MYOF: variants seen among roughly 807,000 people sequenced by gnomAD.
MYOF encodes fer-1-like 3, myoferlin.
In MYOF, 244 loss-of-function variants were observed where a neutral mutation model predicts 284.2. That is an observed-to-expected ratio of 0.86 (90% CI 0.77 to 0.95). The LOEUF (loss-of-function observed/expected upper bound fraction) is 0.95. MYOF is among the 40% of genes least tolerant of loss of function. The pLI is 0.00. For synonymous variants in MYOF, 904 were observed against 919.7 expected (o/e 0.98, Z 0.31); for missense variants, 2,496 against 2,560.6 (o/e 0.97, Z 0.54).
chr10:93,459,673 C>T (rs1221403018), intron 1 of MYOF, among the ~76,000 whole-genome samples: 1 of 152,200 alleles, frequency 6.6e-6, no homozygotes, highest in Non-Finnish European at 1.5e-5. Context: ...GGCTTGGCGT[C>T]TTGGAAAATG....
chr10:93,308,637 TATACTC>T lies in MYOF; in HGVS notation c.6147+1377_6147+1382del, dbSNP rs111866127. 4.9e-3 allele frequency among the ~76,000 whole-genome samples: 735 copies of T among 149,656 alleles called. 8 individuals carry two copies. Among genetic ancestry groups the T allele is most frequent in the African/African-American group, 0.017 (703 of 40,752 alleles). On this transcript the variant is annotated intron_variant, in intron 53 of 53. Transcript: ENST00000359263. ...AGCTACGACTGTATAATAGTGTACA[TATACTC>T]ATAGATGACAAACTAGAAGTACTAT... is the stretch of plus-strand genomic sequence containing the variant.
intron 1 of MYOF, among the ~76,000 whole-genome samples, chr10:93,458,890 T>A (rs1238780101): frequency 2.6e-5 from 4 of 152,232 alleles, no homozygotes; most frequent in African/African-American, 9.6e-5. Flanking sequence ...GTTTAGCTAA[T>A]GTCACATTGC....
chr10:93,378,636 C>G (rs542660574), intron 21 of MYOF, among the ~76,000 whole-genome samples: 1 of 144,680 alleles, frequency 6.9e-6, no homozygotes, highest in Non-Finnish European at 1.5e-5. Flanking sequence ...GATTTTAGCA[C>G]TACCTGATAG....
At chr10:93,440,445 A>G (rs1260275347) in intron 3 of MYOF, among the ~76,000 whole-genome samples, 1 of 151,886 alleles carries the variant, frequency 6.6e-6, no homozygotes, top group African/African-American at 2.4e-5. Context: ...CCCTTATACA[A>G]CAACCCTATC....
intron 32 of MYOF, 116 bp downstream of exon 32, chr10:93,353,695 C>T (rs41290194): frequency 0.057 from 46,552 of 811,300 alleles, 1,586 homozygotes; most frequent in Middle Eastern, 0.1. Context: ...CAAAAATAAC[C>T]TCAACATGTA....
intron 3 of MYOF, among the ~76,000 whole-genome samples, chr10:93,437,313 T>G (rs2134241966): frequency 6.6e-6 from 1 of 152,290 alleles, no homozygotes; most frequent in Admixed American, 6.5e-5. Context: ...ATAGTTTGTT[T>G]ACAAAAGAGA....
In MYOF at chr10:93,402,903, T is replaced by A. The variant is rs41290206; in HGVS notation, c.844-13A>T. 90,160 of 1,605,462 alleles carry A rather than the reference T, an allele frequency of 0.056. 2,796 individuals carry two copies. Among genetic ancestry groups the A allele is most frequent in the Middle Eastern group, 0.078 (469 of 6,024 alleles). On this transcript the variant is annotated splice_polypyrimidine_tract_variant and intron_variant, in intron 9 of 53. Coordinates refer to ENST00000359263, the MANE Select transcript of MYOF (RefSeq NM_013451.4). ...ATCCAACATCAATCTGGGAAAACAA[T>A]AATCGAAAGTAGTCTAAGTAGATTT...
In MYOF at chr10:93,336,105, A is replaced by C; in HGVS notation, c.4438-59T>G. 3 of 1,575,910 alleles carry C rather than the reference A, an allele frequency of 1.9e-6. No homozygotes were observed. The South Asian group carries it at 3.6e-5, about 19-fold the overall frequency. ...TAAAATGCAGGTAAGGTCTAAAATC[A>C]AAAGGGCTGACAGTATCAAGTGGGC... is the stretch of plus-strand genomic sequence containing the variant. On this transcript the variant is annotated intron_variant, in intron 40 of 53. Coordinates refer to ENST00000359263, the MANE Select transcript of MYOF (RefSeq NM_013451.4).
intron 1 of MYOF, among the ~76,000 whole-genome samples, chr10:93,470,524 C>A (rs371196921): frequency 6.6e-6 from 1 of 152,076 alleles, no homozygotes; most frequent in South Asian, 2.1e-4. Flanking sequence ...CCTCAGCCTC[C>A]CAAGTAGCTT....
chr10:93,356,879 C>CGAT lies in MYOF; in HGVS notation c.3121-34_3121-32dup, dbSNP rs148215421. 8.2e-6 allele frequency: 13 copies of CGAT among 1,584,082 alleles called. No homozygotes were observed. In the South Asian group the frequency reaches 9.2e-5, roughly 11 times the overall value. ...ACAGAAGTAAACATGTTAATGATGA[C>CGAT]GATGATGATGATGATATTCCTTATT... On this transcript the variant is annotated intron_variant, in intron 29 of 53. Transcript: ENST00000359263.
intron 41 of MYOF, 116 bp from the exon 42 acceptor site, chr10:93,334,029 G>C (rs935795600): frequency 2.0e-6 from 2 of 989,224 alleles, no homozygotes; most frequent in Non-Finnish European, 1.5e-6. Context: ...GCTGCCTTTT[G>C]TGAAAGAAAT....
chr10:93,333,820 A>G lies in MYOF; in HGVS notation c.4657T>C (p.Cys1553Arg). ...RELPDSVPQE[C>R]TVRIYIVRGL... ...CGAACAATGTAAATCCTAACCGTGC[A>G]TTCCTGTGGGACGCTGTCAGGTAAT... Residue 1553 changes from cysteine (C) to arginine (R), a missense_variant, in exon 42 of 54, where the codon TGC becomes CGC. By Grantham distance (180) the Cys-to-Arg change is radical. This residue lies in a region of MYOF where 2,436 missense variants were observed against 2,480.7 expected (regional missense o/e 0.98). Transcript: ENST00000359263. 1 of 1,614,138 alleles carries G rather than the reference A, an allele frequency of 6.2e-7. No homozygotes were observed. Among genetic ancestry groups the G allele is most frequent in the East Asian group, 2.2e-5 (1 of 44,868 alleles).
chr10:93,363,888 T>C, intron 27 of MYOF, 73 bp downstream of exon 27: 1 of 1,359,198 alleles, frequency 7.4e-7, no homozygotes, highest in South Asian at 1.3e-5. Flanking sequence ...CCAAGCCAGG[T>C]GGCTGCTGGG....
chr10:93,471,949 C>T (rs2057156642), intron 1 of MYOF, among the ~76,000 whole-genome samples: 1 of 151,768 alleles, frequency 6.6e-6, no homozygotes, highest in African/African-American at 2.4e-5. Flanking sequence ...TGCAGAGGAC[C>T]AAGGCTATTT....
chr10:93,411,082 C>G (rs770461136), intron 5 of MYOF, among the ~76,000 whole-genome samples: 3 of 152,232 alleles, frequency 2.0e-5, no homozygotes, highest in Non-Finnish European at 4.4e-5. Context: ...ATAGGCGAAG[C>G]CTTTAGCACA....
In MYOF at chr10:93,397,263, GTTTTA is replaced by G; in HGVS notation, c.1313_1317del (p.Ile438ThrfsTer5). The G allele has an allele frequency of 6.3e-7, 1 of 1,595,468 alleles. No individual in the cohort carries two copies. Among genetic ancestry groups the G allele is most frequent in the Non-Finnish European group, 8.6e-7 (1 of 1,166,752 alleles). On this transcript the variant is annotated frameshift_variant, in exon 15 of 54. Transcript: ENST00000359263. LOFTEE classifies it high-confidence loss of function. The stretch of plus-strand genomic sequence containing the variant: ...TCAACTCACCAGTCATATATTGTTA[GTTTTA>G]TTTTTTCACACACTGAAGGAAACTA...
intron 49 of MYOF, among the ~76,000 whole-genome samples, chr10:93,318,023 G>T (rs2133745567): frequency 6.6e-6 from 1 of 152,272 alleles, no homozygotes; most frequent in South Asian, 2.1e-4. Flanking sequence ...CACAGGGTGT[G>T]GGGAGGTCTG....
chr10:93,306,787 G>A lies in MYOF; in HGVS notation c.*176C>T. On this transcript the variant is annotated 3_prime_UTR_variant, in exon 54 of 54. Transcript: ENST00000359263. Reference sequence around the variant, plus strand: ...TAAGAGATAACATGATGCAAACGTTGCTTGTTGGCCTGACTTTCCAGGACT... The same window carrying A: ...TAAGAGATAACATGATGCAAACGTTACTTGTTGGCCTGACTTTCCAGGACT... 6.1e-6 allele frequency: 4 copies of A among 652,086 alleles called. No individual in the cohort carries two copies. The highest frequency in any genetic ancestry group is 5.0e-4 in the Middle Eastern group (2 of 3,974). The allele number at this position is 652,086 out of a possible 1,614,324, so 40.4% of individuals were successfully genotyped here. A position where few individuals can be genotyped will look rare whatever the true frequency, so the allele number is the denominator to read the frequency against.
chr10:93,405,503 G>A (rs1847513302), intron 7 of MYOF, among the ~76,000 whole-genome samples: 1 of 151,990 alleles, frequency 6.6e-6, no homozygotes. Flanking sequence ...TATGTTGCTC[G>A]GGCTGGTCTT....
Sources: allele counts gnomAD v4.1 joint callset (sites outside exome capture counted in the v4.1 genomes callset), GRCh38; gene constraint gnomAD v4.1.1; regional missense constraint gnomAD v4.1.1; transcripts MANE v1.5; gene names NCBI Gene and HGNC (gene_info 2026-07-23, HGNC 2026-07-21).